The following SBNO1 variants were observed in gnomAD, a reference collection of about 807,000 sequenced individuals.
The protein encoded by SBNO1 is strawberry notch homolog 1.
A neutral mutation model predicts 173.6 loss-of-function variants in SBNO1; 23 were observed. The observed-to-expected ratio is 0.13, with a 90% CI of 0.10 to 0.19. The LOEUF (loss-of-function observed/expected upper bound fraction) is 0.19. Ranked by LOEUF, SBNO1 falls within the 10% of genes least tolerant of loss-of-function variation. SBNO1 has a pLI of 1.00. For missense variants in SBNO1, 1,238 were observed against 1,671.2 expected (o/e 0.74, Z 4.52); for synonymous variants, 632 against 571.5 (o/e 1.11, Z -1.51).
In SBNO1 at chr12:123,305,058, A is replaced by C. The variant is rs755708953; in HGVS notation, c.3631-339T>G. ...GAATCCCAGTCAAGCAGCCTCAGAG[A>C]GGTAAGAAAAACCAAGTGTAATAAA... On this transcript the variant is annotated intron_variant, in intron 28 of 31. Coordinates refer to ENST00000602398, the MANE Select transcript of SBNO1 (RefSeq NM_001167856.3). Among the ~76,000 whole-genome samples, 20 of 152,336 alleles carry C rather than the reference A, an allele frequency of 1.3e-4. No homozygotes were observed. The East Asian group carries it at 3.7e-3, about 28-fold the overall frequency.
Position 123,290,620 on chromosome 12 carries a change from G to A in SBNO1, c.*5288C>T, listed in dbSNP as rs768385730. ...AGCACAGCCGTTCAGGGTACCCCAGGGACCAGTGCTGCAATGGGAATCTGC... is the reference window on the plus strand; with the variant it reads ...AGCACAGCCGTTCAGGGTACCCCAGAGACCAGTGCTGCAATGGGAATCTGC... On this transcript the variant is annotated 3_prime_UTR_variant, in exon 32 of 32. Coordinates refer to ENST00000602398, the MANE Select transcript of SBNO1 (RefSeq NM_001167856.3). The A allele has an allele frequency of 3.3e-5, 5 of 152,168 alleles. No homozygotes were observed. Among genetic ancestry groups the A allele is most frequent in the Non-Finnish European group, 7.3e-5 (5 of 68,050 alleles). The allele number at this position is 152,168 out of a possible 1,614,324, so 9.4% of individuals were successfully genotyped here. A position where few individuals can be genotyped will look rare whatever the true frequency, so the allele number is the denominator to read the frequency against.
intron 4 of SBNO1, among the ~76,000 whole-genome samples, chr12:123,344,588 G>A (rs1421994616): frequency 1.3e-5 from 2 of 152,152 alleles, no homozygotes; most frequent in African/African-American, 2.4e-5. Context: ...ACTCACGCCT[G>A]TAATCCCAAC....
rs1345209017 is a variant in SBNO1 at position 123,291,720 on chromosome 12, G to A, written c.*4188C>T. 6.6e-6 allele frequency: 1 copy of A among 150,444 alleles called. No homozygotes were observed. The highest frequency in any genetic ancestry group is 1.5e-5 in the Non-Finnish European group (1 of 67,686). 9.3% of individuals were successfully genotyped at this position (150,444 alleles called of 1,614,324 possible). On this transcript the variant is annotated 3_prime_UTR_variant, in exon 32 of 32. Transcript: ENST00000602398. ...AAAAAGTCATAAGATGCCCCATATGGGAAAGTCAAGAAAAGAATAAATAGA... is the reference window on the plus strand; with the variant it reads ...AAAAAGTCATAAGATGCCCCATATGAGAAAGTCAAGAAAAGAATAAATAGA...
At chr12:123,331,726 T>C (rs530711622) in intron 7 of SBNO1, among the ~76,000 whole-genome samples, 6 of 152,278 alleles carry the variant, frequency 3.9e-5, no homozygotes, top group Admixed American at 1.3e-4. Context: ...TTCACCATGT[T>C]AGCCAGGATG....
chr12:123,357,398 G>A (rs912062014), intron 1 of SBNO1, among the ~76,000 whole-genome samples: 52 of 151,908 alleles, frequency 3.4e-4, no homozygotes, highest in African/African-American at 1.1e-3. Flanking sequence ...GCAGTGAGCC[G>A]AGACTGCACC....
intron 7 of SBNO1, among the ~76,000 whole-genome samples, chr12:123,332,915 G>C (rs1321373840): frequency 6.6e-6 from 1 of 152,148 alleles, no homozygotes; most frequent in Non-Finnish European, 1.5e-5. Context: ...ATGAGGTCAG[G>C]AGATCGAGAC....
intron 13 of SBNO1, among the ~76,000 whole-genome samples, chr12:123,327,121 T>A (rs1870698487): frequency 6.6e-6 from 1 of 152,140 alleles, no homozygotes; most frequent in African/African-American, 2.4e-5. Context: ...TTCTCCTGCC[T>A]CAGCCTCCCC....
rs1334227903 is a variant in SBNO1, at chr12:123,290,354, A to G, written c.*5554T>C. The G allele has an allele frequency of 6.6e-6, 1 of 152,262 alleles. No homozygotes were observed. The highest frequency in any genetic ancestry group is 1.5e-5 in the Non-Finnish European group (1 of 68,042). The allele number at this position is 152,262 out of a possible 1,614,324, so 9.4% of individuals were successfully genotyped here. ...GAATAGTAATGAATGAAACTTGTAC[A>G]TGAATGAAAAGGCCCCAAAGACGCT... On this transcript the variant is annotated 3_prime_UTR_variant, in exon 32 of 32. Transcript: ENST00000602398.
intron 30 of SBNO1, among the ~76,000 whole-genome samples, chr12:123,301,946 T>TG (rs2048803484): frequency 7.6e-6 from 1 of 132,252 alleles, no homozygotes; most frequent in Admixed American, 7.7e-5. Context: ...AAGTGGTTTG[T>TG]TTTTTTTTTT....
chr12:123,309,238 G>A, intron 28 of SBNO1, 72 bp downstream of exon 28: 3 of 1,094,904 alleles, frequency 2.7e-6, no homozygotes, highest in South Asian at 2.6e-5. Flanking sequence ...GGTACAAAGT[G>A]AAGAGACAAT....
At chr12:123,298,249 A>T in intron 30 of SBNO1, 78 bp from the exon 31 acceptor site, 1 of 1,382,152 alleles carries the variant, frequency 7.2e-7, no homozygotes, top group Non-Finnish European at 9.9e-7. Context: ...TTACAAGGTC[A>T]ACTCAAATTT....
chr12:123,347,009 C>CA (rs1324172035), intron 3 of SBNO1, among the ~76,000 whole-genome samples: 1 of 145,688 alleles, frequency 6.9e-6, no homozygotes, highest in Non-Finnish European at 1.5e-5. Context: ...ACCCAGGAGG[C>CA]AGAGGTTGCA....
At chr12:123,304,368 G>A in intron 29 of SBNO1, 1 of 366,774 alleles carries the variant, frequency 2.7e-6, no homozygotes, top group South Asian at 3.0e-5. Context: ...CCAAGTGGCT[G>A]GAATTACAGG....
intron 25 of SBNO1, 76 bp downstream of exon 25, chr12:123,310,979 G>T: frequency 9.1e-7 from 1 of 1,096,790 alleles, no homozygotes. Context: ...TTCCCCTTCA[G>T]CTCAAAAGCA....
chr12:123,344,922 G>A (rs1054185581), intron 4 of SBNO1, among the ~76,000 whole-genome samples: 1 of 152,164 alleles, frequency 6.6e-6, no homozygotes, highest in Non-Finnish European at 1.5e-5. Context: ...AAGATCCACA[G>A]ATGAGTCACA....
Position 123,309,420 on chromosome 12 carries a change from A to T in SBNO1, c.3538-18T>A. On this transcript the variant is annotated intron_variant, in intron 27 of 31. Coordinates refer to ENST00000602398, the MANE Select transcript of SBNO1 (RefSeq NM_001167856.3). ...ACACTAATCTGTAAGAGAAACAACG[A>T]AATTTAAACTCATTTCTGTAAATGC... is the stretch of plus-strand genomic sequence containing the variant. The T allele has an allele frequency of 1.9e-6, 3 of 1,609,338 alleles. No homozygotes were observed. The highest frequency in any genetic ancestry group is 2.6e-6 in the Non-Finnish European group (3 of 1,175,592).
intron 1 of SBNO1, among the ~76,000 whole-genome samples, chr12:123,356,353 A>G (rs747330798): frequency 2.0e-5 from 3 of 152,250 alleles, no homozygotes; most frequent in Non-Finnish European, 4.4e-5. Context: ...GTTTACTCCC[A>G]TATCACTGAT....
intron 1 of SBNO1, among the ~76,000 whole-genome samples, chr12:123,359,491 G>A (rs551779814): frequency 6.6e-6 from 1 of 151,722 alleles, no homozygotes; most frequent in African/African-American, 2.4e-5. Flanking sequence ...GAACCCAGGA[G>A]GTGGAGGTTG....
chr12:123,360,808 C>CA (rs1452374454), intron 1 of SBNO1, among the ~76,000 whole-genome samples: 1 of 152,086 alleles, frequency 6.6e-6, no homozygotes, highest in Non-Finnish European at 1.5e-5. Flanking sequence ...ACAGTACTTT[C>CA]AGTAAGGCAC....
Sources: allele counts gnomAD v4.1 joint callset (sites outside exome capture counted in the v4.1 genomes callset), GRCh38; gene constraint gnomAD v4.1.1; transcripts MANE v1.5; gene names NCBI Gene and HGNC (gene_info 2026-07-23, HGNC 2026-07-21).